The following PI4KA variants were observed in gnomAD, a reference collection of about 807,000 sequenced individuals.
PI4KA encodes the protein PI4-kinase alpha.
PI4KA carries 122 observed loss-of-function variants against 271.4 expected under a neutral mutation model. The observed-to-expected ratio is 0.45, with a 90% CI of 0.39 to 0.52. The LOEUF is 0.52. PI4KA is among the 20% of genes least tolerant of loss of function. The probability of loss-of-function intolerance (pLI) is 0.00; values close to 1 mark genes in which losing one functional copy is unlikely to be tolerated. For synonymous variants in PI4KA, 1,041 were observed against 1,078.8 expected, an observed-to-expected ratio of 0.96 and a Z score of 0.69; for missense variants, 1,969 against 2,769.1, an observed-to-expected ratio of 0.71 and a Z score of 6.48.
intron 3 of PI4KA, 120 bp from the exon 4 acceptor site, chr22:20,824,534 G>A: frequency 1.5e-6 from 1 of 648,462 alleles, no homozygotes; most frequent in East Asian, 2.8e-5. Flanking sequence ...GTTTACAGCA[G>A]CTGCCCTCCT....
intron 7 of PI4KA, 23 bp from the exon 8 acceptor site, chr22:20,813,529 A>G: frequency 6.2e-7 from 1 of 1,611,464 alleles, no homozygotes. Context: ...AAAGCTGGAA[A>G]CTCAGCCGTG....
chr22:20,841,131 C>T (rs754010508), intron 1 of PI4KA, among the ~76,000 whole-genome samples: 2 of 152,170 alleles, frequency 1.3e-5, no homozygotes, highest in Non-Finnish European at 2.9e-5. Flanking sequence ...ACGCCCACCT[C>T]GGCCTCCCAG....
chr22:20,756,409 G>A (rs1931311889), intron 23 of PI4KA, among the ~76,000 whole-genome samples: 1 of 151,946 alleles, frequency 6.6e-6, no homozygotes, highest in Non-Finnish European at 1.5e-5. Flanking sequence ...CAGTAGAGAT[G>A]GGGTTTCTCC....
intron 45 of PI4KA, among the ~76,000 whole-genome samples, chr22:20,716,244 G>A (rs1407167964): frequency 1.3e-5 from 2 of 152,170 alleles, no homozygotes; most frequent in Non-Finnish European, 2.9e-5. Context: ...TAGAGACGGG[G>A]TTTCACCGTG....
At chr22:20,824,216 A>G (rs980722354) in intron 4 of PI4KA, 110 bp downstream of exon 4, 6 of 760,262 alleles carry the variant, frequency 7.9e-6, no homozygotes, top group African/African-American at 6.9e-5. Flanking sequence ...AAATAGATAA[A>G]TATCAACAAA....
intron 14 of PI4KA, 106 bp downstream of exon 14, chr22:20,801,867 C>A (rs915466883): frequency 1.1e-5 from 14 of 1,248,920 alleles, no homozygotes; most frequent in Non-Finnish European, 1.6e-5. Flanking sequence ...GCCTGGGCAA[C>A]AGAGCGAGAC....
At chr22:20,721,529 G>T (rs188981287) in intron 42 of PI4KA, 111 bp from the exon 43 acceptor site, 1 of 1,151,618 alleles carries the variant, frequency 8.7e-7, no homozygotes, top group Non-Finnish European at 1.3e-6. Context: ...GGTAAGGCCC[G>T]GTGGCTCTAG....
chr22:20,743,530 A>G (rs1929707406), intron 30 of PI4KA, among the ~76,000 whole-genome samples: 1 of 152,086 alleles, frequency 6.6e-6, no homozygotes, highest in Non-Finnish European at 1.5e-5. Flanking sequence ...ATCATAGTTC[A>G]CTGCATCCTC....
intron 19 of PI4KA, chr22:20,783,855 G>A (rs1933990170): frequency 7.4e-7 from 1 of 1,357,822 alleles, no homozygotes; most frequent in East Asian, 2.3e-5. Context: ...AGACTGTGGG[G>A]TCGGCTCTGC....
intron 17 of PI4KA, among the ~76,000 whole-genome samples, 196 bp from the exon 18 acceptor site, chr22:20,796,510 A>C (rs750770752): frequency 7.9e-5 from 12 of 152,224 alleles, no homozygotes; most frequent in Non-Finnish European, 1.6e-4. Context: ...TGTAGAATAA[A>C]GCCAACTGAT....
intron 45 of PI4KA, 88 bp downstream of exon 45, chr22:20,717,620 C>T: frequency 8.5e-7 from 1 of 1,177,246 alleles, no homozygotes; most frequent in South Asian, 1.3e-5. Context: ...CCACATCCTG[C>T]AGTGCCTGGA....
At chr22:20,752,876 A>G (rs1245869889) in intron 25 of PI4KA, 27 bp downstream of exon 25, 1 of 1,611,194 alleles carries the variant, frequency 6.2e-7, no homozygotes, top group South Asian at 1.1e-5. Context: ...ACATACACAC[A>G]AAACATTAGC....
At chr22:20,718,601 A>C in intron 44 of PI4KA, 92 bp downstream of exon 44, 7 of 1,396,516 alleles carry the variant, frequency 5.0e-6, no homozygotes, top group Non-Finnish European at 4.0e-6. Context: ...GGGGCCAGGC[A>C]CGGGTATTTT....
intron 1 of PI4KA, among the ~76,000 whole-genome samples, chr22:20,843,797 T>C (rs1474024405): frequency 6.6e-6 from 1 of 152,214 alleles, no homozygotes. Context: ...TGTCTCTTCC[T>C]ACTCCAATAT....
At chr22:20,784,374 C>A in intron 19 of PI4KA, 3 of 1,253,916 alleles carry the variant, frequency 2.4e-6, no homozygotes, top group South Asian at 1.3e-5. Context: ...CCATACAGGG[C>A]CACTCTGTTA....
rs1328628072 is a variant in PI4KA, at chr22:20,833,654, TTTG to T, written c.367+905_367+907del. Among the ~76,000 whole-genome samples the T allele has an allele frequency of 1.4e-3, 142 of 101,648 alleles. 8 individuals carry two copies. The South Asian group carries it at 0.018, about 13-fold the overall frequency. 66.7% of individuals were successfully genotyped at this position (101,648 alleles called of 152,430 possible). On this transcript the variant is annotated intron_variant, in intron 3 of 54. Transcript: ENST00000255882. ...TTGCCCAGACTAGTTTTGGTTTGTT[TTTG>T]TTTTTTTTTTTTTTTTTTTTTGAGA...
intron 7 of PI4KA, among the ~76,000 whole-genome samples, 182 bp from the exon 8 acceptor site, chr22:20,813,688 C>G (rs1375238531): frequency 3.9e-5 from 6 of 152,198 alleles, no homozygotes; most frequent in African/African-American, 1.4e-4. Context: ...ACTGATGCCC[C>G]TCACCTGTGT....
At chr22:20,783,533 C>T (rs1380307398) in intron 19 of PI4KA, among the ~76,000 whole-genome samples, 2 of 152,008 alleles carry the variant, frequency 1.3e-5, no homozygotes, top group African/African-American at 2.4e-5. Flanking sequence ...AGGAGGATTC[C>T]TTGAGCCTGG....
intron 41 of PI4KA, among the ~76,000 whole-genome samples, chr22:20,726,968 C>G (rs555963120): frequency 2.8e-4 from 42 of 152,176 alleles, no homozygotes; most frequent in Admixed American, 2.1e-3. Flanking sequence ...GCACAGCTGC[C>G]GCGCCGCCTC....
Sources: gnomAD v4.1 joint callset for allele counts (sites outside exome capture counted in the v4.1 genomes callset) on GRCh38, gnomAD v4.1.1 for gene constraint, MANE v1.5 for transcripts, NCBI Gene and HGNC (gene_info 2026-07-23, HGNC 2026-07-21) for gene names.